PPP4R3A: variants seen among roughly 807,000 people sequenced by gnomAD.
PPP4R3A encodes protein phosphatase 4 regulatory subunit 3A.
Under a neutral mutation model 91.7 loss-of-function variants are expected in PPP4R3A, and 15 were observed. That is an observed-to-expected ratio of 0.16 (90% CI 0.11 to 0.25). PPP4R3A has a LOEUF of 0.25. PPP4R3A is among the 10% of genes least tolerant of loss of function. The pLI is 1.00. For missense variants in PPP4R3A, 623 were observed against 998.4 expected (o/e 0.62, Z 5.07); for synonymous variants, 377 against 348.7 (o/e 1.08, Z -0.91).
Position 91,510,072 on chromosome 14 carries a change from T to G in PPP4R3A, c.-425A>C, listed in dbSNP as rs1299437426. 15 of 434,976 alleles carry G rather than the reference T, an allele frequency of 3.4e-5. No homozygotes were observed. Among genetic ancestry groups the G allele is most frequent in the Non-Finnish European group, 3.1e-5 (10 of 325,648 alleles). The allele number at this position is 434,976 out of a possible 1,614,324, so 26.9% of individuals were successfully genotyped here. ...GCCGCCGCCATATTTTCCTTCCTTATACCTGGCCCTGCCACCGCGGCCAGT... is the reference window on the plus strand; with the variant it reads ...GCCGCCGCCATATTTTCCTTCCTTAGACCTGGCCCTGCCACCGCGGCCAGT... On this transcript the variant is annotated 5_prime_UTR_variant, in exon 1 of 15. Transcript: ENST00000554943.
At chr14:91,480,042 T>C (rs1333140521) in intron 4 of PPP4R3A, among the ~76,000 whole-genome samples, 3 of 152,152 alleles carry the variant, frequency 2.0e-5, no homozygotes, top group Non-Finnish European at 4.4e-5. Context: ...ATTGTCTAGC[T>C]CTCAGAGACT....
intron 10 of PPP4R3A, among the ~76,000 whole-genome samples, chr14:91,468,667 C>CAAAAAAAAAAAAAA (rs766250846): frequency 1.1e-4 from 5 of 45,042 alleles, no homozygotes; most frequent in African/African-American, 4.5e-4. Flanking sequence ...GACTCCGTCT[C>CAAAAAAAAAAAAAA]AAAAAAAAAA....
At chr14:91,498,917 C>CA (rs530802333) in intron 1 of PPP4R3A, among the ~76,000 whole-genome samples, 21,277 of 91,138 alleles carry the variant, frequency 0.23, 3,122 homozygotes, top group East Asian at 0.53. Flanking sequence ...GACTCCAACT[C>CA]AAAAAAAAAA....
At chr14:91,490,826 C>A (rs951399949) in intron 1 of PPP4R3A, 24 bp from the exon 2 acceptor site, 6 of 1,566,046 alleles carry the variant, frequency 3.8e-6, no homozygotes, top group Non-Finnish European at 5.2e-6. Context: ...AAAGACATTC[C>A]ATTATGTTAC....
Position 91,476,065 on chromosome 14 carries a change from A to G in PPP4R3A, c.1111-99T>C, listed in dbSNP as rs1046343383. On this transcript the variant is annotated intron_variant, in intron 6 of 14. Transcript: ENST00000554943. The stretch of plus-strand genomic sequence containing the variant: ...CTAACAAAACATATGAAAAAACTTC[A>G]ATGTAAAAGAAAGGTCAAAGAAATT... The G allele has an allele frequency of 2.7e-6, 3 of 1,129,210 alleles. No individual in the cohort carries two copies. In the African/African-American group the frequency reaches 4.8e-5, roughly 18 times the overall value. 69.9% of individuals were successfully genotyped at this position (1,129,210 alleles called of 1,614,324 possible). A position where few individuals can be genotyped will look rare whatever the true frequency, so the allele number is the denominator to read the frequency against.
chr14:91,463,494 T>A (rs1190049570), intron 11 of PPP4R3A, among the ~76,000 whole-genome samples: 1 of 151,890 alleles, frequency 6.6e-6, no homozygotes, highest in African/African-American at 2.4e-5. Context: ...GATATAGTGG[T>A]ATGATTATAG....
chr14:91,463,640 T>C (rs903338474), intron 11 of PPP4R3A, among the ~76,000 whole-genome samples: 1 of 151,982 alleles, frequency 6.6e-6, no homozygotes, highest in Non-Finnish European at 1.5e-5. Context: ...GGTCTTGATA[T>C]GTTGCCCAAG....
At chr14:91,501,071 G>A (rs1454645490) in intron 1 of PPP4R3A, among the ~76,000 whole-genome samples, 2 of 152,056 alleles carry the variant, frequency 1.3e-5, no homozygotes, top group East Asian at 3.9e-4. Flanking sequence ...ACACCTTCTG[G>A]TACACAGCTT....
At chr14:91,494,671 T>C (rs1258658944) in intron 1 of PPP4R3A, among the ~76,000 whole-genome samples, 1 of 152,170 alleles carries the variant, frequency 6.6e-6, no homozygotes, top group Non-Finnish European at 1.5e-5. Flanking sequence ...GAGACCAGCC[T>C]GGCCAAAATG....
At chr14:91,497,845 C>T (rs1041905705) in intron 1 of PPP4R3A, among the ~76,000 whole-genome samples, 1 of 152,132 alleles carries the variant, frequency 6.6e-6, no homozygotes, top group South Asian at 2.1e-4. Context: ...ACAATCTATA[C>T]CAGCTGTTCT....
intron 11 of PPP4R3A, among the ~76,000 whole-genome samples, chr14:91,464,062 C>T (rs1009736922): frequency 1.3e-5 from 2 of 152,192 alleles, no homozygotes; most frequent in African/African-American, 4.8e-5. Flanking sequence ...GAGGCTCATG[C>T]CTGTAATCCC....
chr14:91,483,642 T>C (rs8006780), intron 3 of PPP4R3A, among the ~76,000 whole-genome samples: 74,768 of 152,000 alleles, frequency 0.49, 18,720 homozygotes, highest in Admixed American at 0.53. Flanking sequence ...GTTCAAGAAA[T>C]AGAAAAACAT....
chr14:91,498,361 C>T (rs573511400), intron 1 of PPP4R3A, among the ~76,000 whole-genome samples: 1 of 151,910 alleles, frequency 6.6e-6, no homozygotes, highest in African/African-American at 2.4e-5. Flanking sequence ...ACACTCTTCT[C>T]ATTAAACTCT....
At chr14:91,459,832 CA>C (rs60665582) in intron 14 of PPP4R3A, among the ~76,000 whole-genome samples, 17,146 of 138,272 alleles carry the variant, frequency 0.12, 1,083 homozygotes, top group Non-Finnish European at 0.15. Flanking sequence ...GAGACTCTGT[CA>C]AAAAAAAAAA....
At position 91,509,496 on chromosome 14, in the gene PPP4R3A, C is replaced by T. The variant is rs566593358; in HGVS notation, c.142+10G>A. 2 of 1,581,332 alleles carry T rather than the reference C, an allele frequency of 1.3e-6. No homozygotes were observed. The highest frequency in any genetic ancestry group is 1.3e-5 in the African/African-American group (1 of 74,550). ...GCTGCGAGGGTCCCGCCGCGCGGGG[C>T]TTCACTTACCGTCGCTCTCAGCCCT... On this transcript the variant is annotated intron_variant, in intron 1 of 14. Transcript: ENST00000554943.
At chr14:91,494,486 A>T (rs1353643592) in intron 1 of PPP4R3A, among the ~76,000 whole-genome samples, 1 of 152,230 alleles carries the variant, frequency 6.6e-6, no homozygotes, top group African/African-American at 2.4e-5. Flanking sequence ...TTGAATAGAA[A>T]TTTATCCAAA....
intron 4 of PPP4R3A, among the ~76,000 whole-genome samples, chr14:91,479,933 C>A (rs1889449542): frequency 6.6e-6 from 1 of 152,200 alleles, no homozygotes; most frequent in Middle Eastern, 3.2e-3. Flanking sequence ...CTAGGCCCAG[C>A]CTATGTAAAC....
In PPP4R3A at chr14:91,476,039, C is replaced by G. The variant is rs187918612; in HGVS notation, c.1111-73G>C. 3.2e-5 allele frequency: 45 copies of G among 1,390,656 alleles called. 1 individual carries two copies. In the East Asian group the frequency reaches 1.1e-3, roughly 33 times the overall value. 86.1% of individuals were successfully genotyped at this position (1,390,656 alleles called of 1,614,324 possible). A position where few individuals can be genotyped will look rare whatever the true frequency, so the allele number is the denominator to read the frequency against. ...ACCTATAGCTATGTAAATATCCAAA[C>G]CTAACAAAACATATGAAAAAACTTC... On this transcript the variant is annotated intron_variant, in intron 6 of 14. Coordinates refer to ENST00000554943, the MANE Select transcript of PPP4R3A (RefSeq NM_001366432.2).
intron 1 of PPP4R3A, among the ~76,000 whole-genome samples, chr14:91,492,414 T>C (rs1237790048): frequency 2.0e-5 from 3 of 152,254 alleles, no homozygotes; most frequent in African/African-American, 4.8e-5. Context: ...TCAAAGTTCA[T>C]TTGTTTTATG....
Sources: allele counts gnomAD v4.1 joint callset (sites outside exome capture counted in the v4.1 genomes callset), GRCh38; gene constraint gnomAD v4.1.1; transcripts MANE v1.5; gene names NCBI Gene and HGNC (gene_info 2026-07-23, HGNC 2026-07-21).